The following DIP2C variants were observed in gnomAD, a reference collection of about 807,000 sequenced individuals.
The protein encoded by DIP2C is disco-interacting protein 2 homolog C.
DIP2C carries 33 observed loss-of-function variants against 192.4 expected under a neutral mutation model. That is an observed-to-expected ratio of 0.17 (90% CI 0.13 to 0.23). DIP2C has a LOEUF of 0.23. Ranked by LOEUF, DIP2C falls within the 10% of genes least tolerant of loss-of-function variation. DIP2C has a pLI of 1.00. For synonymous variants in DIP2C, 979 were observed against 864.1 expected, an observed-to-expected ratio of 1.13 and a Z score of -2.33; for missense variants, 1,537 against 2,110.1, an observed-to-expected ratio of 0.73 and a Z score of 5.32.
At chr10:644,540 C>G (rs11812715) in intron 1 of DIP2C, among the ~76,000 whole-genome samples, 5,144 of 152,376 alleles carry the variant, frequency 0.034, 169 homozygotes, top group African/African-American at 0.083. Context: ...CACACGGGTT[C>G]TGCCTGACGC....
chr10:593,368 T>A (rs1347781520), intron 1 of DIP2C, among the ~76,000 whole-genome samples: 2 of 151,964 alleles, frequency 1.3e-5, no homozygotes, highest in Non-Finnish European at 2.9e-5. Flanking sequence ...TTTCCCAACA[T>A]CACCTTAGTG....
At position 359,441 on chromosome 10, in the gene DIP2C, C is replaced by T. The variant is rs545602916; in HGVS notation, c.2795-1504G>A. ...GCCTGCCGGTGCCTTGGGTTCTAGG[C>T]GACGTGTAGGAGCCTCGAGTCTGGA... On this transcript the variant is annotated intron_variant, in intron 22 of 36. Coordinates refer to ENST00000280886, the MANE Select transcript of DIP2C (RefSeq NM_014974.3). Among the ~76,000 whole-genome samples, 5 of 152,294 alleles carry T rather than the reference C, an allele frequency of 3.3e-5. No homozygotes were observed. In the East Asian group the frequency reaches 7.7e-4, roughly 24 times the overall value.
intron 2 of DIP2C, among the ~76,000 whole-genome samples, chr10:474,938 C>A (rs972277909): frequency 6.6e-6 from 1 of 152,088 alleles, no homozygotes; most frequent in Admixed American, 6.6e-5. Context: ...TTTCTTTTCT[C>A]CCTCGATAAT....
rs549102422 is a variant in DIP2C at position 433,655 on chromosome 10, T to G, written c.394+7216A>C. Among the ~76,000 whole-genome samples the G allele has an allele frequency of 2.6e-3, 400 of 152,342 alleles. 1 individual carries two copies. Among genetic ancestry groups the G allele is most frequent in the Non-Finnish European group, 3.4e-3 (233 of 68,032 alleles). On this transcript the variant is annotated intron_variant, in intron 4 of 36. Transcript: ENST00000280886. ...AAGATCGGGCTATTGCACTCCAGCCTGGGCCAAGGAGTAAGACTCCATCTC... is the reference window on the plus strand; with the variant it reads ...AAGATCGGGCTATTGCACTCCAGCCGGGGCCAAGGAGTAAGACTCCATCTC...
intron 32 of DIP2C, among the ~76,000 whole-genome samples, chr10:293,592 G>C (rs1483003377): frequency 1.3e-5 from 2 of 152,220 alleles, no homozygotes; most frequent in African/African-American, 4.8e-5. Flanking sequence ...TGCTGTGACT[G>C]AGTCTAGTCT....
At chr10:364,693 C>G in intron 19 of DIP2C, 111 bp from the exon 20 acceptor site, 1 of 1,217,090 alleles carries the variant, frequency 8.2e-7, no homozygotes, top group East Asian at 2.5e-5. Flanking sequence ...TGCCTTTCAC[C>G]CCAGCAACCC....
chr10:310,686 C>T (rs1342197434), intron 31 of DIP2C, among the ~76,000 whole-genome samples: 2 of 152,204 alleles, frequency 1.3e-5, no homozygotes, highest in African/African-American at 2.4e-5. Context: ...GTGGTCTGAG[C>T]CATTCCACTG....
chr10:412,592 C>A (rs1000626800), intron 8 of DIP2C, among the ~76,000 whole-genome samples: 2 of 152,158 alleles, frequency 1.3e-5, no homozygotes, highest in African/African-American at 4.8e-5. Context: ...ACGAAACGCA[C>A]GCTCCCAAAC....
At chr10:327,764 G>A (rs1317978702) in intron 30 of DIP2C, among the ~76,000 whole-genome samples, 2 of 152,184 alleles carry the variant, frequency 1.3e-5, no homozygotes, top group Non-Finnish European at 2.9e-5. Flanking sequence ...CATAGACAGT[G>A]CTCCATTTAT....
At chr10:391,931 T>C (rs1963491937) in intron 10 of DIP2C, among the ~76,000 whole-genome samples, 1 of 152,198 alleles carries the variant, frequency 6.6e-6, no homozygotes, top group Non-Finnish European at 1.5e-5. Flanking sequence ...TTTAGTACTT[T>C]TCTTATTGTA....
At chr10:365,646 T>TA (rs1234276831) in intron 19 of DIP2C, among the ~76,000 whole-genome samples, 2 of 152,224 alleles carry the variant, frequency 1.3e-5, no homozygotes, top group African/African-American at 4.8e-5. Flanking sequence ...ACCTACTTGG[T>TA]AAAAAGATAA....
chr10:554,645 G>C (rs890256780), intron 1 of DIP2C, among the ~76,000 whole-genome samples: 1 of 152,204 alleles, frequency 6.6e-6, no homozygotes, highest in Non-Finnish European at 1.5e-5. Flanking sequence ...CCCAGATGAG[G>C]GGCAGAGGCA....
At chr10:303,210 TGTAGAC>T (rs1191606563) in intron 32 of DIP2C, among the ~76,000 whole-genome samples, 1 of 152,130 alleles carries the variant, frequency 6.6e-6, no homozygotes, top group Non-Finnish European at 1.5e-5. Flanking sequence ...CACGTGCGGC[TGTAGAC>T]TTTGTAAAAA....
chr10:446,274 C>T (rs115177025), intron 3 of DIP2C, among the ~76,000 whole-genome samples: 1,752 of 151,804 alleles, frequency 0.012, 33 homozygotes, highest in African/African-American at 0.04. Context: ...AAGAGTCTCA[C>T]GGTCCACTGG....
chr10:689,555 GC>G lies in DIP2C; in HGVS notation c.23del (p.Gly8AlafsTer36). MADRSLEGMALPLEVRAR... is the reference protein window; with the variant it reads MADRSLEXMALPLEVRAR... ...CCCGCACCTCCAGGGGCAGCGCCATGCCCTCCAGGCTGCGGTCCGCCATGCT... is the reference window on the plus strand; with the variant it reads ...CCCGCACCTCCAGGGGCAGCGCCATGCCTCCAGGCTGCGGTCCGCCATGCT... On this transcript the variant is annotated frameshift_variant, in exon 1 of 37. Coordinates refer to ENST00000280886, the MANE Select transcript of DIP2C (RefSeq NM_014974.3). LOFTEE classifies it high-confidence loss of function. The surrounding 1 kb of genome is among the most constrained non-coding windows in gnomAD (Gnocchi z 6.1). 1 of 1,265,986 alleles carries G rather than the reference GC, an allele frequency of 7.9e-7. No individual in the cohort carries two copies. The highest frequency in any genetic ancestry group is 1.0e-6 in the Non-Finnish European group (1 of 989,590). The allele number at this position is 1,265,986 out of a possible 1,614,324, so 78.4% of individuals were successfully genotyped here.
At chr10:369,363 C>T in intron 18 of DIP2C, 131 bp downstream of exon 18, 1 of 1,179,916 alleles carries the variant, frequency 8.5e-7, no homozygotes, top group Non-Finnish European at 1.1e-6. Flanking sequence ...CTTCAGAAGA[C>T]TGGGAGTGAG....
intron 19 of DIP2C, 65 bp downstream of exon 19, chr10:366,210 C>T: frequency 6.3e-7 from 1 of 1,587,936 alleles, no homozygotes; most frequent in Non-Finnish European, 8.6e-7. Context: ...CACTATGCAC[C>T]TGGCAAGGGC....
At chr10:657,576 CCTGGACCTGCCG>C (rs1243579492) in intron 1 of DIP2C, among the ~76,000 whole-genome samples, 2 of 71,670 alleles carry the variant, frequency 2.8e-5, no homozygotes, top group Non-Finnish European at 6.0e-5. Context: ...TGGACCTGCC[CCTGGACCTGCCG>C]CTGGACCTGC....
At chr10:507,525 C>G (rs146691699) in intron 1 of DIP2C, among the ~76,000 whole-genome samples, 1 of 152,116 alleles carries the variant, frequency 6.6e-6, no homozygotes, top group African/African-American at 2.4e-5. Context: ...CCCGGTCACC[C>G]GCTGTGTCCA....
Sources: allele counts gnomAD v4.1 joint callset (sites outside exome capture counted in the v4.1 genomes callset), GRCh38; gene constraint gnomAD v4.1.1; non-coding constraint Gnocchi (gnomAD v3.1); transcripts MANE v1.5; gene names NCBI Gene and HGNC (gene_info 2026-07-23, HGNC 2026-07-21).